Variants in NEGR1 observed in about 807,000 individuals in gnomAD.
NEGR1 encodes the protein IgLON family member 4.
In NEGR1, 10 loss-of-function variants were observed where a neutral mutation model predicts 40.9. The ratio of observed to expected loss-of-function variants is 0.24; its 90% confidence interval spans 0.15 to 0.42. NEGR1 has a LOEUF of 0.42. Among genes scored for constraint, NEGR1 ranks in the 10% least tolerant of loss-of-function variants. The pLI is 1.00. For synonymous variants in NEGR1, 185 were observed against 166.8 expected, an observed-to-expected ratio of 1.11 and a Z score of -0.84; for missense variants, 352 against 438.9, an observed-to-expected ratio of 0.80 and a Z score of 1.77.
intron 1 of NEGR1, among the ~76,000 whole-genome samples, chr1:72,156,056 C>A (rs1488131667): frequency 6.6e-6 from 1 of 152,084 alleles, no homozygotes; most frequent in African/African-American, 2.4e-5. Context: ...TAAGCCATAA[C>A]ATTTGAAAAA....
intron 2 of NEGR1, among the ~76,000 whole-genome samples, chr1:71,880,453 T>C (rs1453279285): frequency 1.3e-5 from 2 of 152,068 alleles, no homozygotes; most frequent in Non-Finnish European, 2.9e-5. Flanking sequence ...AAGCCAGTGT[T>C]AGCAGGAACA....
At chr1:72,009,151 A>G (rs1281644289) in intron 1 of NEGR1, among the ~76,000 whole-genome samples, 1 of 152,112 alleles carries the variant, frequency 6.6e-6, no homozygotes, top group African/African-American at 2.4e-5. Flanking sequence ...ATTTGTCAAA[A>G]TATTTTATAT....
rs1479179664 is a variant in NEGR1, at chr1:71,428,635, AATTT to A, written c.941-21069_941-21066del. On this transcript the variant is annotated intron_variant, in intron 6 of 6. Coordinates refer to ENST00000357731, the MANE Select transcript of NEGR1 (RefSeq NM_173808.3). ...ATGTTTTAAAAACTTTGCATATATA[AATTT>A]ATTTATATAAATTTATTTTTTATTA... 2.0e-5 allele frequency among the ~76,000 whole-genome samples: 3 copies of A among 149,662 alleles called. No individual in the cohort carries two copies. In the South Asian group the frequency reaches 6.2e-4, roughly 31 times the overall value.
chr1:72,229,864 G>T (rs1205484), intron 1 of NEGR1, among the ~76,000 whole-genome samples: 72,835 of 151,810 alleles, frequency 0.48, 18,148 homozygotes, highest in African/African-American at 0.59. Context: ...AAAAAGCAGA[G>T]TTAGTACAAT....
rs561504043 is a variant in NEGR1, at chr1:71,976,538, C to T, written c.177-41227G>A. ...AATCTGATTGAGGGAGACTGGCTCCCGGCTATAGGAGCTGGCAGAATTTTT... is the reference window on the plus strand; with the variant it reads ...AATCTGATTGAGGGAGACTGGCTCCTGGCTATAGGAGCTGGCAGAATTTTT... On this transcript the variant is annotated intron_variant, in intron 1 of 6. Coordinates refer to ENST00000357731, the MANE Select transcript of NEGR1 (RefSeq NM_173808.3). Among the ~76,000 whole-genome samples, 23 of 152,162 alleles carry T rather than the reference C, an allele frequency of 1.5e-4. 1 individual carries two copies. In the South Asian group the frequency reaches 1.7e-3, roughly 11 times the overall value.
intron 5 of NEGR1, among the ~76,000 whole-genome samples, chr1:71,602,744 T>G (rs907067546): frequency 1.3e-5 from 2 of 152,208 alleles, no homozygotes; most frequent in African/African-American, 2.4e-5. Flanking sequence ...TTATTTCATT[T>G]TGCTGATTTT....
intron 1 of NEGR1, among the ~76,000 whole-genome samples, chr1:72,091,429 T>C: frequency 8.6e-6 from 1 of 116,416 alleles, no homozygotes; most frequent in Non-Finnish European, 1.7e-5. Flanking sequence ...CCTTCCCTCC[T>C]TCCCTCCCTC....
intron 2 of NEGR1, among the ~76,000 whole-genome samples, chr1:71,896,641 C>T (rs1660982157): frequency 6.6e-6 from 1 of 152,116 alleles, no homozygotes; most frequent in South Asian, 2.1e-4. Context: ...TGAAGACATA[C>T]TCCTATGTTT....
chr1:71,652,888 C>T (rs373760248), intron 4 of NEGR1, among the ~76,000 whole-genome samples: 3 of 151,896 alleles, frequency 2.0e-5, no homozygotes, highest in African/African-American at 7.3e-5. Context: ...GTTTGCCACC[C>T]CCTGTTCTAA....
chr1:71,419,345 G>A, intron 6 of NEGR1, among the ~76,000 whole-genome samples: 1 of 152,144 alleles, frequency 6.6e-6, no homozygotes, highest in South Asian at 2.1e-4. Flanking sequence ...GCACATAGTA[G>A]GTGCACAGAA....
intron 1 of NEGR1, among the ~76,000 whole-genome samples, chr1:72,148,649 C>T (rs1651001084): frequency 1.3e-5 from 2 of 152,128 alleles, no homozygotes; most frequent in Admixed American, 6.6e-5. Context: ...TGCTTTGCTC[C>T]TTAGAAATTT....
chr1:71,753,398 CA>C (rs1233157076), intron 3 of NEGR1, among the ~76,000 whole-genome samples: 28 of 152,196 alleles, frequency 1.8e-4, no homozygotes, highest in African/African-American at 6.7e-4. Context: ...TGCACTCTAG[CA>C]GAGATAAAAA....
chr1:71,871,369 G>A (rs1162265046), intron 2 of NEGR1, among the ~76,000 whole-genome samples: 1 of 152,112 alleles, frequency 6.6e-6, no homozygotes, highest in Admixed American at 6.6e-5. Flanking sequence ...TAGACTTTTT[G>A]TGTGGACTAC....
At chr1:71,845,923 CTT>C (rs368324879) in intron 2 of NEGR1, among the ~76,000 whole-genome samples, 10 of 110,698 alleles carry the variant, frequency 9.0e-5, no homozygotes, top group African/African-American at 2.8e-4. Flanking sequence ...CGGCACCTGG[CTT>C]TTTTTTTTTT....
At chr1:72,267,720 T>C (rs1655696040) in intron 1 of NEGR1, among the ~76,000 whole-genome samples, 1 of 151,226 alleles carries the variant, frequency 6.6e-6, no homozygotes, top group Non-Finnish European at 1.5e-5. Flanking sequence ...ATCGTTTGCT[T>C]TGTTGGTAAA....
At chr1:72,147,636 T>A (rs577155038) in intron 1 of NEGR1, among the ~76,000 whole-genome samples, 3 of 152,272 alleles carry the variant, frequency 2.0e-5, no homozygotes, top group Admixed American at 1.3e-4. Flanking sequence ...TTAATCTAAA[T>A]GTCCACAGTC....
intron 4 of NEGR1, among the ~76,000 whole-genome samples, chr1:71,628,138 T>C (rs1650848374): frequency 6.6e-6 from 1 of 152,202 alleles, no homozygotes; most frequent in South Asian, 2.1e-4. Flanking sequence ...ACTTTTATTC[T>C]GAATTATTGT....
chr1:71,414,298 A>G (rs1175088437), intron 6 of NEGR1, among the ~76,000 whole-genome samples: 6 of 152,182 alleles, frequency 3.9e-5, no homozygotes, highest in African/African-American at 7.2e-5. Flanking sequence ...TCAAAAGATA[A>G]TTAAATCCTC....
intron 6 of NEGR1, among the ~76,000 whole-genome samples, chr1:71,538,129 T>C (rs1557559232): frequency 1.3e-5 from 2 of 151,694 alleles, no homozygotes; most frequent in African/African-American, 4.8e-5. Context: ...AACATTTTAC[T>C]TCCTTAGTAA....
Sources: allele counts gnomAD v4.1 joint callset (sites outside exome capture counted in the v4.1 genomes callset), GRCh38; gene constraint gnomAD v4.1.1; transcripts MANE v1.5; gene names NCBI Gene and HGNC (gene_info 2026-07-23, HGNC 2026-07-21).